Variants in CEP85 observed in about 807,000 individuals in gnomAD.
CEP85 encodes the protein centrosomal protein 85.
A neutral mutation model predicts 93.7 loss-of-function variants in CEP85; 58 were observed. The ratio of observed to expected loss-of-function variants is 0.62; its 90% CI spans 0.50 to 0.77. The LOEUF (loss-of-function observed/expected upper bound fraction) is 0.77. Among genes scored for constraint, CEP85 ranks in the 30% least tolerant of loss-of-function variants. CEP85 has a pLI of 0.00. For missense variants in CEP85, 868 were observed against 922.0 expected, an observed-to-expected ratio of 0.94 and a Z score of 0.76; for synonymous variants, 314 against 338.6, an observed-to-expected ratio of 0.93 and a Z score of 0.80.
chr1:26,235,502 CTCTTG>C (rs930842273), intron 1 of CEP85, among the ~76,000 whole-genome samples: 13 of 151,004 alleles, frequency 8.6e-5, no homozygotes, highest in Admixed American at 8.6e-4. Flanking sequence ...TTCAAATCCT[CTCTTG>C]TCTTGATGTG....
At chr1:26,249,454 G>A (rs2089570011) in intron 3 of CEP85, among the ~76,000 whole-genome samples, 2 of 152,180 alleles carry the variant, frequency 1.3e-5, no homozygotes, top group Admixed American at 1.3e-4. Flanking sequence ...CCCTGTGACT[G>A]GTATACAGTA....
chr1:26,257,945 A>G (rs2089734389), intron 5 of CEP85, among the ~76,000 whole-genome samples, 198 bp from the exon 6 acceptor site: 1 of 152,148 alleles, frequency 6.6e-6, no homozygotes, highest in Non-Finnish European at 1.5e-5. Flanking sequence ...GGGAGTGCCT[A>G]AGGGGGTAGC....
intron 4 of CEP85, among the ~76,000 whole-genome samples, chr1:26,256,222 C>T (rs58038522): frequency 0.16 from 25,072 of 152,042 alleles, 2,147 homozygotes; most frequent in Middle Eastern, 0.21. Context: ...TGTACGGGGT[C>T]ATAGAGTTGG....
intron 7 of CEP85, among the ~76,000 whole-genome samples, chr1:26,261,743 T>TAAAAAA (rs1557661754): frequency 1.4e-5 from 1 of 73,202 alleles, no homozygotes; most frequent in African/African-American, 3.3e-5. Flanking sequence ...AAAAAAAAAT[T>TAAAAAA]TTTTTTTTCC....
intron 7 of CEP85, among the ~76,000 whole-genome samples, chr1:26,264,980 CT>C (rs766050519): frequency 0.098 from 9,117 of 92,874 alleles, 356 homozygotes; most frequent in African/African-American, 0.16. Context: ...CCACACCCGG[CT>C]TTTTTTTTTT....
At chr1:26,236,447 A>C (rs2124551334) in intron 1 of CEP85, among the ~76,000 whole-genome samples, 1 of 147,534 alleles carries the variant, frequency 6.8e-6, no homozygotes, top group Non-Finnish European at 1.5e-5. Flanking sequence ...TCTAAGCTTT[A>C]TAACTGGTGT....
chr1:26,259,596 T>G, intron 6 of CEP85, 21 bp from the exon 7 acceptor site: 1 of 1,595,544 alleles, frequency 6.3e-7, no homozygotes, highest in Non-Finnish European at 8.5e-7. Flanking sequence ...AACAGTTACA[T>G]ATTGAGAATC....
intron 3 of CEP85, among the ~76,000 whole-genome samples, chr1:26,250,510 C>T (rs1471129406): frequency 6.6e-6 from 1 of 152,222 alleles, no homozygotes; most frequent in Non-Finnish European, 1.5e-5. Context: ...GCTGGTGTAA[C>T]TTTACATTTC....
intron 7 of CEP85, among the ~76,000 whole-genome samples, chr1:26,265,007 T>C (rs11247891): frequency 0.88 from 114,168 of 130,138 alleles, 50,936 homozygotes; most frequent in Non-Finnish European, 0.93. Context: ...TTTTTTTAGA[T>C]AGAGTCTCGC....
chr1:26,242,489 C>T (rs2089443167), intron 2 of CEP85, among the ~76,000 whole-genome samples: 1 of 152,154 alleles, frequency 6.6e-6, no homozygotes, highest in Non-Finnish European at 1.5e-5. Context: ...TCAAATCAGG[C>T]AGTCACTGTG....
chr1:26,252,062 G>A (rs971016983), intron 3 of CEP85, among the ~76,000 whole-genome samples: 18 of 151,734 alleles, frequency 1.2e-4, no homozygotes, highest in Non-Finnish European at 1.8e-4. Flanking sequence ...GTGAAACCCC[G>A]TCTACTAAAA....
At chr1:26,257,500 G>A (rs1183637452) in intron 4 of CEP85, 97 bp from the exon 5 acceptor site, 4 of 1,447,960 alleles carry the variant, frequency 2.8e-6, no homozygotes, top group Non-Finnish European at 3.8e-6. Context: ...GCTGAGCCAA[G>A]TTGGGCTTTG....
intron 7 of CEP85, among the ~76,000 whole-genome samples, chr1:26,260,415 C>T (rs1445289277): frequency 6.6e-6 from 1 of 151,670 alleles, no homozygotes; most frequent in East Asian, 1.9e-4. Flanking sequence ...AGCTTGAACC[C>T]GGGAGACAGA....
At chr1:26,259,847 G>T in intron 7 of CEP85, 45 bp downstream of exon 7, 1 of 1,516,620 alleles carries the variant, frequency 6.6e-7, no homozygotes, top group Non-Finnish European at 8.9e-7. Flanking sequence ...GGAGTTGGCA[G>T]TCAGCTGTCT....
At chr1:26,275,920 T>G (rs2090047059) in intron 12 of CEP85, among the ~76,000 whole-genome samples, 1 of 152,152 alleles carries the variant, frequency 6.6e-6, no homozygotes, top group Non-Finnish European at 1.5e-5. Context: ...CATACATGAA[T>G]AGATGGTTTT....
At position 26,276,019 on chromosome 1, in the gene CEP85, C is replaced by T. The variant is rs185062806; in HGVS notation, c.1903-516C>T. ...ATCCTCCAGGTTCCAGCTTCTCCAGCCCCCCACCTAGTGGCTACTAGCTGT... is the reference window on the plus strand; with the variant it reads ...ATCCTCCAGGTTCCAGCTTCTCCAGTCCCCCACCTAGTGGCTACTAGCTGT... On this transcript the variant is annotated intron_variant, in intron 12 of 13. Transcript: ENST00000451429. Among the ~76,000 whole-genome samples, 71 of 152,292 alleles carry T rather than the reference C, an allele frequency of 4.7e-4. 1 individual carries two copies. In the East Asian group the frequency reaches 0.013, roughly 27 times the overall value.
At chr1:26,266,151 G>A (rs897865207) in intron 7 of CEP85, among the ~76,000 whole-genome samples, 1 of 152,026 alleles carries the variant, frequency 6.6e-6, no homozygotes, top group African/African-American at 2.4e-5. Flanking sequence ...GGAGGTTCCA[G>A]TGAGCTGAGA....
At chr1:26,270,553 T>C (rs2089959297) in intron 9 of CEP85, among the ~76,000 whole-genome samples, 1 of 152,226 alleles carries the variant, frequency 6.6e-6, no homozygotes, top group African/African-American at 2.4e-5. Flanking sequence ...TCTCAGCAGA[T>C]GGGCTTTGCT....
intron 7 of CEP85, among the ~76,000 whole-genome samples, chr1:26,266,937 CAT>C (rs552938098): frequency 1.8e-4 from 27 of 152,320 alleles, no homozygotes; most frequent in South Asian, 8.3e-4. Flanking sequence ...GGCTTTATAT[CAT>C]GTGTGGTATT....
Sources: gnomAD v4.1 joint callset for allele counts (sites outside exome capture counted in the v4.1 genomes callset) on GRCh38, gnomAD v4.1.1 for gene constraint, MANE v1.5 for transcripts, NCBI Gene and HGNC (gene_info 2026-07-23, HGNC 2026-07-21) for gene names.